NAV3: variants seen among roughly 807,000 people sequenced by gnomAD.
NAV3 encodes pore membrane and/or filament interacting like protein 1.
Under a neutral mutation model 244.7 loss-of-function variants are expected in NAV3, and 87 were observed. The observed-to-expected ratio is 0.36, with a 90% CI of 0.30 to 0.42. NAV3 has a LOEUF of 0.42. Ranked by LOEUF, NAV3 falls within the 20% of genes least tolerant of loss-of-function variation. The probability of loss-of-function intolerance (pLI) is 1.00; values close to 1 mark genes in which losing one functional copy is unlikely to be tolerated. For synonymous variants in NAV3, 1,126 were observed against 1,042.2 expected (o/e 1.08, Z -1.55); for missense variants, 2,663 against 2,893.3 (o/e 0.92, Z 1.83).
At chr12:78,191,230 A>T (rs1286131558) in intron 34 of NAV3, among the ~76,000 whole-genome samples, 1 of 152,178 alleles carries the variant, frequency 6.6e-6, no homozygotes, top group Non-Finnish European at 1.5e-5. Flanking sequence ...TCTCACCTGT[A>T]AAATGAGGGA....
At chr12:77,813,985 A>G (rs1327893013) in intron 2 of NAV3, among the ~76,000 whole-genome samples, 1 of 152,132 alleles carries the variant, frequency 6.6e-6, no homozygotes, top group Non-Finnish European at 1.5e-5. Flanking sequence ...TCCCCATGTC[A>G]TCATTAGTAG....
At chr12:77,959,932 A>G (rs1170770978) in intron 3 of NAV3, among the ~76,000 whole-genome samples, 1 of 150,942 alleles carries the variant, frequency 6.6e-6, no homozygotes, top group African/African-American at 2.4e-5. Flanking sequence ...AAAAAAAAAA[A>G]AAAAAAAAGA....
chr12:77,959,528 C>A (rs559550274), intron 3 of NAV3, among the ~76,000 whole-genome samples: 1 of 152,122 alleles, frequency 6.6e-6, no homozygotes, highest in South Asian at 2.1e-4. Context: ...TGAATCCCTA[C>A]TATGTACATT....
At chr12:77,807,824 AT>A (rs1184118583) in intron 2 of NAV3, among the ~76,000 whole-genome samples, 5 of 152,072 alleles carry the variant, frequency 3.3e-5, no homozygotes, top group Admixed American at 2.0e-4. Context: ...TCAAATGTAG[AT>A]TTGGTCTTTT....
chr12:78,108,912 G>A (rs547140488), intron 12 of NAV3, among the ~76,000 whole-genome samples: 23 of 151,700 alleles, frequency 1.5e-4, no homozygotes, highest in African/African-American at 5.6e-4. Context: ...AAAAAATCAA[G>A]AACAAATCAA....
intron 2 of NAV3, among the ~76,000 whole-genome samples, chr12:77,637,391 A>G (rs11106075): frequency 6.6e-6 from 1 of 152,086 alleles, no homozygotes; most frequent in Admixed American, 6.5e-5. Flanking sequence ...CAGAAATTCT[A>G]TACTTCTTTG....
intron 9 of NAV3, among the ~76,000 whole-genome samples, chr12:78,032,787 C>T (rs1246351523): frequency 1.3e-5 from 2 of 152,136 alleles, no homozygotes; most frequent in Admixed American, 1.3e-4. Context: ...AAGAATTTGT[C>T]CTCAGAGGCC....
At chr12:77,883,801 G>T (rs1356047470) in intron 1 of NAV3, among the ~76,000 whole-genome samples, 1 of 151,976 alleles carries the variant, frequency 6.6e-6, no homozygotes, top group East Asian at 1.9e-4. Context: ...TACTCTATTG[G>T]TTTTTCTGTT....
intron 21 of NAV3, among the ~76,000 whole-genome samples, chr12:78,147,035 T>A (rs558810320): frequency 6.6e-6 from 1 of 152,246 alleles, no homozygotes; most frequent in East Asian, 1.9e-4. Flanking sequence ...TAATGGCTGT[T>A]TGATTGGTTT....
At chr12:77,622,791 G>A (rs1008924225) in intron 2 of NAV3, among the ~76,000 whole-genome samples, 1 of 152,036 alleles carries the variant, frequency 6.6e-6, no homozygotes, top group Non-Finnish European at 1.5e-5. Flanking sequence ...AAAGTTGGAT[G>A]ACATATATAA....
At chr12:77,625,058 C>T (rs1362314019) in intron 2 of NAV3, among the ~76,000 whole-genome samples, 1 of 152,016 alleles carries the variant, frequency 6.6e-6, no homozygotes, top group East Asian at 1.9e-4. Flanking sequence ...GTACCCAGAA[C>T]TTAAAAGGTG....
chr12:77,960,450 T>TATATATACACACAC (rs1195862670), intron 3 of NAV3, among the ~76,000 whole-genome samples: 2 of 144,354 alleles, frequency 1.4e-5, no homozygotes, highest in African/African-American at 5.1e-5. Context: ...TATATATATA[T>TATATATACACACAC]ACACACACAC....
At chr12:77,750,749 G>T (rs1868808704) in intron 2 of NAV3, among the ~76,000 whole-genome samples, 1 of 152,108 alleles carries the variant, frequency 6.6e-6, no homozygotes, top group Non-Finnish European at 1.5e-5. Flanking sequence ...GGCAAGTCAT[G>T]CTGTTAGCAT....
chr12:77,629,683 T>A (rs571167425), intron 2 of NAV3, among the ~76,000 whole-genome samples: 23 of 152,316 alleles, frequency 1.5e-4, no homozygotes, highest in Admixed American at 5.9e-4. Flanking sequence ...TGTAGTAATA[T>A]CCTATATTAC....
At chr12:77,968,792 C>A in intron 5 of NAV3, 90 bp downstream of exon 5, 1 of 1,242,554 alleles carries the variant, frequency 8.0e-7, no homozygotes, top group African/African-American at 1.5e-5. Context: ...GTTTGAAAAA[C>A]GTACTCATGT....
chr12:77,831,321 T>A lies in NAV3; in HGVS notation c.-141T>A. 1.1e-6 allele frequency: 1 copy of A among 886,042 alleles called. No individual in the cohort carries two copies. Among genetic ancestry groups the A allele is most frequent in the South Asian group, 2.9e-5 (1 of 35,066 alleles). 54.9% of individuals were successfully genotyped at this position (886,042 alleles called of 1,614,324 possible). Reference sequence around the variant, plus strand: ...GGGAAGTTTTGCCTCTTCCTGAAAATTATATTATTAGCTTTTTAAAAATCA... The same window carrying A: ...GGGAAGTTTTGCCTCTTCCTGAAAAATATATTATTAGCTTTTTAAAAATCA... On this transcript the variant is annotated 5_prime_UTR_variant, in exon 1 of 40. Transcript: ENST00000397909.
At position 77,958,038 on chromosome 12, in the gene NAV3, A is replaced by G. The variant is rs1417016549; in HGVS notation, c.415-8191A>G. Among the ~76,000 whole-genome samples, 4 of 152,216 alleles carry G rather than the reference A, an allele frequency of 2.6e-5. No individual in the cohort carries two copies. The East Asian group carries it at 7.7e-4, about 29-fold the overall frequency. Reference sequence around the variant, plus strand: ...CGTGTTAACTCTCAGGTTTAACAAAATAATTGTAGTTAAAAATACACTGGT... The same window carrying G: ...CGTGTTAACTCTCAGGTTTAACAAAGTAATTGTAGTTAAAAATACACTGGT... On this transcript the variant is annotated intron_variant, in intron 3 of 39. Coordinates refer to ENST00000397909, the MANE Select transcript of NAV3 (RefSeq NM_001024383.2).
At position 77,916,056 on chromosome 12, in the gene NAV3, A is replaced by G. The variant is rs556824196; in HGVS notation, c.244-24263A>G. Among the ~76,000 whole-genome samples the G allele has an allele frequency of 2.9e-3, 438 of 152,164 alleles. 1 individual carries two copies. The highest frequency in any genetic ancestry group is 0.01 in the African/African-American group (424 of 41,548). ...TGGGAAGAGGCTGTTTTATCAAGAAATTTAAGACAGGCCACTCTGAGATGG... is the reference window on the plus strand; with the variant it reads ...TGGGAAGAGGCTGTTTTATCAAGAAGTTTAAGACAGGCCACTCTGAGATGG... On this transcript the variant is annotated intron_variant, in intron 1 of 39. Transcript: ENST00000397909.
rs763779916 is a variant in NAV3, at chr12:77,808,954, C to T, written c.73-131365C>T. On this transcript the variant is annotated intron_variant, in intron 2 of 8. Transcript: ENST00000550042. Reference sequence around the variant, plus strand: ...TGGGCTCCGCCCAGTTCGAATTTTCCGGTGGCTTTTTTTACACTGTGAGGG... The same window carrying T: ...TGGGCTCCGCCCAGTTCGAATTTTCTGGTGGCTTTTTTTACACTGTGAGGG... Among the ~76,000 whole-genome samples, 18 of 152,300 alleles carry T rather than the reference C, an allele frequency of 1.2e-4. No individual in the cohort carries two copies. The East Asian group carries it at 1.5e-3, about 13-fold the overall frequency.
Sources: gnomAD v4.1 joint callset for allele counts (sites outside exome capture counted in the v4.1 genomes callset) on GRCh38, gnomAD v4.1.1 for gene constraint, MANE v1.5 for transcripts, NCBI Gene and HGNC (gene_info 2026-07-23, HGNC 2026-07-21) for gene names.